The following GPM6B variants were observed in gnomAD, a reference collection of about 807,000 sequenced individuals.
GPM6B encodes the protein neuronal membrane glycoprotein M6-b.
A neutral mutation model predicts 27.2 loss-of-function variants in GPM6B; 4 were observed. The ratio of observed to expected loss-of-function variants is 0.15; its 90% CI spans 0.07 to 0.34. The LOEUF (loss-of-function observed/expected upper bound fraction) is 0.34. Ranked by LOEUF, GPM6B falls within the 10% of genes least tolerant of loss-of-function variation. GPM6B has a pLI of 1.00. For missense variants in GPM6B, 183 were observed against 261.9 expected, an observed-to-expected ratio of 0.70 and a Z score of 2.08; for synonymous variants, 124 against 103.1, an observed-to-expected ratio of 1.20 and a Z score of -1.23.
chrX:13,911,895 C>T (rs139892000), intron 1 of GPM6B, among the ~76,000 whole-genome samples: 1,347 of 112,376 alleles, frequency 0.012, 12 homozygotes, highest in Non-Finnish European at 0.021. Context: ...TCCCTTCACA[C>T]TGAGGATGTA....
intron 1 of GPM6B, among the ~76,000 whole-genome samples, chrX:13,861,209 T>C (rs2049848675): frequency 9.0e-6 from 1 of 110,751 alleles, no homozygotes; most frequent in Non-Finnish European, 1.9e-5. Flanking sequence ...ATCCACTCGT[T>C]GATTGATGGG....
chrX:13,880,371 T>C (rs1167244444), intron 1 of GPM6B, among the ~76,000 whole-genome samples: 1 of 111,115 alleles, frequency 9.0e-6, no homozygotes, highest in Non-Finnish European at 1.9e-5. Flanking sequence ...GAAGCCAGAG[T>C]GACCATTTAA....
intron 1 of GPM6B, among the ~76,000 whole-genome samples, chrX:13,828,289 G>T (rs1341964416): frequency 9.0e-6 from 1 of 110,821 alleles, no homozygotes; most frequent in Non-Finnish European, 1.9e-5. Context: ...ATAAATTAAT[G>T]TGTTAATGGA....
intron 1 of GPM6B, among the ~76,000 whole-genome samples, chrX:13,875,032 G>A (rs1169666842): frequency 9.5e-6 from 1 of 105,688 alleles, no homozygotes; most frequent in African/African-American, 3.5e-5. Context: ...TATGATGCCT[G>A]TATTTCAGTG....
At chrX:13,779,008 T>C (rs2048466475) in intron 5 of GPM6B, among the ~76,000 whole-genome samples, 1 of 111,914 alleles carries the variant, frequency 8.9e-6, no homozygotes, top group East Asian at 2.8e-4. Context: ...TTATTTCCTC[T>C]TCAATTCTGA....
At chrX:13,927,739 A>C (rs950581618) in intron 1 of GPM6B, among the ~76,000 whole-genome samples, 1 of 112,897 alleles carries the variant, frequency 8.9e-6, no homozygotes, top group Non-Finnish European at 1.9e-5. Context: ...CAAATCCTGA[A>C]TAGGTATGCA....
At chrX:13,874,943 C>A in intron 1 of GPM6B, among the ~76,000 whole-genome samples, 1 of 103,044 alleles carries the variant, frequency 9.7e-6, no homozygotes, top group African/African-American at 3.7e-5. Flanking sequence ...CCAATCCCCC[C>A]CCCACCCCCG....
At chrX:13,920,740 A>T (rs1037749346) in intron 1 of GPM6B, among the ~76,000 whole-genome samples, 1 of 109,645 alleles carries the variant, frequency 9.1e-6, no homozygotes, top group African/African-American at 3.3e-5. Flanking sequence ...AAATACAAAA[A>T]ATTAGCCGGG....
At chrX:13,842,890 G>A (rs780084263) in intron 1 of GPM6B, among the ~76,000 whole-genome samples, 10 of 111,510 alleles carry the variant, frequency 9.0e-5, no homozygotes, top group Admixed American at 1.9e-4. Flanking sequence ...CACTGATTAC[G>A]ATGAAGCCAA....
rs1465661129 is a variant in GPM6B, at chrX:13,816,922, C to A, written c.-18G>T. 2 of 1,190,750 alleles carry A rather than the reference C, an allele frequency of 1.7e-6. No homozygotes were observed. Among genetic ancestry groups the A allele is most frequent in the African/African-American group, 1.8e-5 (1 of 55,996 alleles). On this transcript the variant is annotated 5_prime_UTR_variant, in exon 1 of 8. Coordinates refer to ENST00000316715, the MANE Select transcript of GPM6B (RefSeq NM_001001995.3). ...GGCTTCATACCATCCACCAAAAATG[C>A]TTTTCCCCCTGTTCCCCCCAACACA... is the stretch of plus-strand genomic sequence containing the variant.
intron 1 of GPM6B, among the ~76,000 whole-genome samples, chrX:13,841,061 T>C (rs1034312179): frequency 8.9e-6 from 1 of 112,565 alleles, no homozygotes; most frequent in Non-Finnish European, 1.9e-5. Flanking sequence ...TAGACGTTCA[T>C]ATATGAATAA....
chrX:13,811,471 G>C (rs2049130744), intron 1 of GPM6B, among the ~76,000 whole-genome samples: 1 of 111,738 alleles, frequency 8.9e-6, no homozygotes, highest in Admixed American at 9.5e-5. Flanking sequence ...TTCATTTTTA[G>C]CTATTATTTA....
intron 1 of GPM6B, among the ~76,000 whole-genome samples, chrX:13,872,865 A>G (rs1469656177): frequency 2.7e-5 from 3 of 111,021 alleles, no homozygotes; most frequent in African/African-American, 6.6e-5. Flanking sequence ...GGACTACGTG[A>G]GGCCAGAGAG....
intron 1 of GPM6B, among the ~76,000 whole-genome samples, chrX:13,903,140 G>A (rs1485170605): frequency 3.6e-5 from 4 of 112,076 alleles, no homozygotes; most frequent in Non-Finnish European, 7.5e-5. Flanking sequence ...GTCCACCACA[G>A]CCCACTGTGA....
chrX:13,849,702 G>A (rs2049691541), intron 1 of GPM6B, among the ~76,000 whole-genome samples: 1 of 111,033 alleles, frequency 9.0e-6, no homozygotes, highest in African/African-American at 3.3e-5. Context: ...AATAGAAACA[G>A]AATCAGGGAG....
At chrX:13,862,353 C>G (rs1309029811) in intron 1 of GPM6B, among the ~76,000 whole-genome samples, 4 of 111,775 alleles carry the variant, frequency 3.6e-5, no homozygotes, top group Non-Finnish European at 7.5e-5. Flanking sequence ...AGATCATTCA[C>G]GTGCCTGAGT....
chrX:13,789,230 C>T (rs1275156552), intron 2 of GPM6B, among the ~76,000 whole-genome samples: 2 of 111,723 alleles, frequency 1.8e-5, no homozygotes, highest in East Asian at 2.8e-4. Flanking sequence ...ATAAATGGAT[C>T]ACTCTCCACT....
chrX:13,828,176 C>T (rs2049398507), intron 1 of GPM6B, among the ~76,000 whole-genome samples: 1 of 111,927 alleles, frequency 8.9e-6, no homozygotes, highest in Admixed American at 9.4e-5. Flanking sequence ...TTGAACGTAT[C>T]CCCAAATTTC....
At chrX:13,811,715 C>T (rs2049133753) in intron 1 of GPM6B, among the ~76,000 whole-genome samples, 1 of 111,929 alleles carries the variant, frequency 8.9e-6, no homozygotes, top group African/African-American at 3.3e-5. Context: ...AGTGTGTTGA[C>T]CCTTGATTTT....
Sources: allele counts gnomAD v4.1 joint callset (sites outside exome capture counted in the v4.1 genomes callset), GRCh38; gene constraint gnomAD v4.1.1; transcripts MANE v1.5; gene names NCBI Gene and HGNC (gene_info 2026-07-23, HGNC 2026-07-21).